The following CNTN5 variants were observed in gnomAD, a reference collection of about 807,000 sequenced individuals.
The protein encoded by CNTN5 is contactin-5.
In CNTN5, 77 loss-of-function variants were observed where a neutral mutation model predicts 129.1. That is an observed-to-expected ratio of 0.60 (90% CI 0.50 to 0.72). The LOEUF (loss-of-function observed/expected upper bound fraction) is 0.72, where lower values mean the gene tolerates loss of function less well. Ranked by LOEUF, CNTN5 falls within the 30% of genes least tolerant of loss-of-function variation. The probability of loss-of-function intolerance (pLI) is 0.00; values close to 1 mark genes in which losing one functional copy is unlikely to be tolerated. For missense variants in CNTN5, 1,478 were observed against 1,328.8 expected, an observed-to-expected ratio of 1.11 and a Z score of -1.75; for synonymous variants, 509 against 465.6, an observed-to-expected ratio of 1.09 and a Z score of -1.20.
intron 3 of CNTN5, among the ~76,000 whole-genome samples, chr11:99,752,023 G>A (rs1037034046): frequency 2.7e-5 from 4 of 148,946 alleles, no homozygotes; most frequent in African/African-American, 9.9e-5. Context: ...CAAATCCACT[G>A]GTACCTTGAT....
chr11:99,735,664 T>C (rs1033150137), intron 3 of CNTN5, among the ~76,000 whole-genome samples: 1 of 152,232 alleles, frequency 6.6e-6, no homozygotes, highest in African/African-American at 2.4e-5. Flanking sequence ...TCATCTTTAC[T>C]GAGGTATAAT....
chr11:100,186,098 G>A (rs1226377003), intron 13 of CNTN5, among the ~76,000 whole-genome samples: 3 of 152,160 alleles, frequency 2.0e-5, no homozygotes, highest in Non-Finnish European at 2.9e-5. Flanking sequence ...GGTGGCTCAT[G>A]CCTGTAATCC....
intron 16 of CNTN5, among the ~76,000 whole-genome samples, chr11:100,254,651 T>C (rs1950031944): frequency 6.6e-6 from 1 of 152,176 alleles, no homozygotes; most frequent in African/African-American, 2.4e-5. Context: ...TTAAACTTTT[T>C]CTCCATCTTA....
At chr11:99,449,744 G>T (rs779430756) in intron 2 of CNTN5, among the ~76,000 whole-genome samples, 5 of 152,128 alleles carry the variant, frequency 3.3e-5, no homozygotes, top group Non-Finnish European at 5.9e-5. Flanking sequence ...GCCCCACCAG[G>T]TTTTCTCTTG....
chr11:99,121,059 T>G (rs1442828679), intron 1 of CNTN5, among the ~76,000 whole-genome samples: 1 of 152,138 alleles, frequency 6.6e-6, no homozygotes, highest in Non-Finnish European at 1.5e-5. Context: ...ATGGCATTGT[T>G]TAACTCCCCC....
intron 2 of CNTN5, among the ~76,000 whole-genome samples, chr11:99,535,328 T>C (rs1487133548): frequency 1.3e-5 from 2 of 152,128 alleles, no homozygotes; most frequent in Non-Finnish European, 2.9e-5. Flanking sequence ...TTGTGTTAGA[T>C]GTGGAGGATG....
chr11:100,285,859 T>G (rs1300558554), intron 18 of CNTN5, among the ~76,000 whole-genome samples: 2 of 152,092 alleles, frequency 1.3e-5, no homozygotes, highest in Non-Finnish European at 2.9e-5. Flanking sequence ...TTCATCTCAC[T>G]AGGGAGTGCC....
chr11:100,104,577 A>C (rs1162672216), intron 13 of CNTN5, among the ~76,000 whole-genome samples: 1 of 152,180 alleles, frequency 6.6e-6, no homozygotes, highest in Non-Finnish European at 1.5e-5. Flanking sequence ...ACATATAATA[A>C]AATATTAACA....
At chr11:99,898,964 G>C (rs920740709) in intron 6 of CNTN5, among the ~76,000 whole-genome samples, 3 of 151,848 alleles carry the variant, frequency 2.0e-5, no homozygotes, top group African/African-American at 7.2e-5. Context: ...TATAATATTT[G>C]TTTCAAGTTA....
At chr11:99,305,843 T>C (rs1864850076) in intron 1 of CNTN5, among the ~76,000 whole-genome samples, 2 of 151,850 alleles carry the variant, frequency 1.3e-5, no homozygotes, top group Admixed American at 1.3e-4. Context: ...TAGCTGGGCA[T>C]GTTGGGAGGC....
intron 6 of CNTN5, among the ~76,000 whole-genome samples, chr11:99,872,709 T>C: frequency 6.6e-6 from 1 of 152,072 alleles, no homozygotes; most frequent in East Asian, 1.9e-4. Context: ...AACAAGCAGG[T>C]TGAGTCCTGA....
intron 1 of CNTN5, among the ~76,000 whole-genome samples, chr11:99,246,519 A>T (rs926704549): frequency 6.6e-6 from 1 of 152,182 alleles, no homozygotes. Context: ...ACAAGTTCCT[A>T]GGTTGCAGCT....
chr11:99,823,785 G>T (rs575909446), intron 4 of CNTN5, among the ~76,000 whole-genome samples: 19 of 152,094 alleles, frequency 1.2e-4, no homozygotes, highest in Admixed American at 2.0e-4. Flanking sequence ...CTTGGATTGT[G>T]TCTCACACTT....
At chr11:100,019,578 T>G (rs1182069426) in intron 9 of CNTN5, among the ~76,000 whole-genome samples, 1 of 151,968 alleles carries the variant, frequency 6.6e-6, no homozygotes, top group Non-Finnish European at 1.5e-5. Context: ...TCACCTACTT[T>G]TATCTGTTTA....
chr11:99,465,368 A>C (rs940808573), intron 2 of CNTN5, among the ~76,000 whole-genome samples: 10 of 152,230 alleles, frequency 6.6e-5, no homozygotes, highest in African/African-American at 2.4e-4. Context: ...CCTATGAAAT[A>C]ATACAGTGAT....
intron 2 of CNTN5, among the ~76,000 whole-genome samples, chr11:99,408,209 G>A (rs922465861): frequency 1.3e-5 from 2 of 151,130 alleles, no homozygotes; most frequent in Admixed American, 6.6e-5. Flanking sequence ...TTTTTAAAAA[G>A]TATCATTGTT....
chr11:99,114,786 A>G (rs1857965145), intron 1 of CNTN5, among the ~76,000 whole-genome samples: 1 of 152,182 alleles, frequency 6.6e-6, no homozygotes, highest in Admixed American at 6.6e-5. Context: ...AAGACCCTAT[A>G]TGAGAGGTTG....
intron 23 of CNTN5, among the ~76,000 whole-genome samples, chr11:100,345,508 G>A (rs1358274261): frequency 1.3e-5 from 2 of 151,716 alleles, no homozygotes; most frequent in Non-Finnish European, 2.9e-5. Flanking sequence ...ACATTGAGGT[G>A]TCAGCAACAT....
chr11:100,108,674 T>C (rs1419730390), intron 13 of CNTN5, among the ~76,000 whole-genome samples: 1 of 152,166 alleles, frequency 6.6e-6, no homozygotes, highest in Non-Finnish European at 1.5e-5. Flanking sequence ...TGCCAGTCCA[T>C]ATTTTTATAA....
Sources: gnomAD v4.1 joint callset for allele counts (sites outside exome capture counted in the v4.1 genomes callset) on GRCh38, gnomAD v4.1.1 for gene constraint, MANE v1.5 for transcripts, NCBI Gene and HGNC (gene_info 2026-07-23, HGNC 2026-07-21) for gene names.